Variants in EWSR1 observed in about 807,000 individuals in gnomAD.
The protein encoded by EWSR1 is RNA-binding protein EWS.
Under a neutral mutation model 92.1 loss-of-function variants are expected in EWSR1, and 14 were observed. The observed-to-expected ratio is 0.15, with a 90% CI of 0.10 to 0.24. EWSR1 has a LOEUF of 0.24. EWSR1 is among the 10% of genes least tolerant of loss of function. EWSR1 has a pLI of 1.00. For synonymous variants in EWSR1, 303 were observed against 292.9 expected (o/e 1.03, Z -0.35); for missense variants, 637 against 870.9 (o/e 0.73, Z 3.38).
intron 4 of EWSR1, chr22:29,277,733 A>G (rs976855613): frequency 8.7e-6 from 3 of 344,702 alleles, no homozygotes; most frequent in East Asian, 4.6e-5. Flanking sequence ...CTTGTCTCCT[A>G]TTCACAGCAT....
At chr22:29,275,317 G>A (rs779315346) in intron 4 of EWSR1, among the ~76,000 whole-genome samples, 4 of 152,144 alleles carry the variant, frequency 2.6e-5, no homozygotes, top group Non-Finnish European at 4.4e-5. Context: ...GGAATGAGAC[G>A]GAGTGATTTA....
rs377732811 is a variant in EWSR1, at chr22:29,272,395, C to T, written c.66C>T (p.Thr22=). ...TCTTTTGCAGCTACAGTGCTTACAC[C>T]GCCCAGCCCACTCAAGGATATGCAC... ...AAAQQGYSAY[T]AQPTQGYAQT... Residue 22 remains threonine, a synonymous_variant, in exon 3 of 17, where the codon ACC becomes ACT. Transcript: ENST00000397938. 170 of 1,613,280 alleles carry T rather than the reference C, an allele frequency of 1.1e-4. No homozygotes were observed. The highest frequency in any genetic ancestry group is 4.3e-4 in the South Asian group (39 of 91,040).
chr22:29,291,026 A>G (rs762636918), intron 8 of EWSR1: 1 of 236,576 alleles, frequency 4.2e-6, no homozygotes, highest in Non-Finnish European at 8.3e-6. Context: ...CCTGAGATGT[A>G]TGGCTTTATG....
In EWSR1 at chr22:29,284,065, C is replaced by T. The variant is rs931081663; in HGVS notation, c.581+1508C>T. On this transcript the variant is annotated intron_variant, in intron 6 of 16. Coordinates refer to ENST00000397938, the MANE Select transcript of EWSR1 (RefSeq NM_005243.4). ...GTCAGGCTGGTCTTGAACTCCCATC[C>T]TCAGGTGATCCGCCTGCCTCGGCCT... Among the ~76,000 whole-genome samples, 5 of 151,310 alleles carry T rather than the reference C, an allele frequency of 3.3e-5. 1 individual carries two copies. The South Asian group carries it at 6.2e-4, about 19-fold the overall frequency.
chr22:29,270,070 C>T (rs2058542501), intron 1 of EWSR1, among the ~76,000 whole-genome samples: 1 of 152,182 alleles, frequency 6.6e-6, no homozygotes, highest in Non-Finnish European at 1.5e-5. Flanking sequence ...CTTTTGAGCC[C>T]TTCTGACCTT....
intron 5 of EWSR1, among the ~76,000 whole-genome samples, chr22:29,280,868 T>G (rs1254343580): frequency 3.1e-4 from 8 of 25,622 alleles, no homozygotes; most frequent in African/African-American, 1.3e-3. Context: ...TGTTGTTTTT[T>G]TTTTTTTTTT....
chr22:29,286,875 G>A, intron 6 of EWSR1, 48 bp from the exon 7 acceptor site: 1 of 1,442,724 alleles, frequency 6.9e-7, no homozygotes, highest in Admixed American at 1.8e-5. Context: ...GAAATAACAA[G>A]CCTCTTTCTA....
chr22:29,294,698 G>A (rs892119056), intron 11 of EWSR1, among the ~76,000 whole-genome samples: 3 of 151,794 alleles, frequency 2.0e-5, no homozygotes, highest in Admixed American at 6.6e-5. Context: ...GGTGGATCAC[G>A]AAGTCAAGAG....
intron 3 of EWSR1, among the ~76,000 whole-genome samples, chr22:29,273,486 GA>G: frequency 6.6e-6 from 1 of 152,214 alleles, no homozygotes; most frequent in South Asian, 2.1e-4. Flanking sequence ...CCCCTTTTGA[GA>G]AGCTGTGAAT....
intron 1 of EWSR1, among the ~76,000 whole-genome samples, chr22:29,271,648 A>C (rs2058691860): frequency 6.6e-6 from 1 of 152,228 alleles, no homozygotes; most frequent in African/African-American, 2.4e-5. Context: ...TGACACAGCA[A>C]ACCCTTTAAA....
chr22:29,282,111 C>T (rs1019434896), intron 5 of EWSR1, among the ~76,000 whole-genome samples: 2 of 152,122 alleles, frequency 1.3e-5, no homozygotes, highest in East Asian at 3.8e-4. Flanking sequence ...ACTTTTATAG[C>T]GTTTACTGTG....
At chr22:29,299,181 T>TTTA in intron 14 of EWSR1, 53 bp from the exon 15 acceptor site, 1 of 1,613,796 alleles carries the variant, frequency 6.2e-7, no homozygotes, top group South Asian at 1.1e-5. Flanking sequence ...CCTTTCCTTG[T>TTTA]TTATCTTCCT....
intron 5 of EWSR1, among the ~76,000 whole-genome samples, chr22:29,278,641 G>A (rs573234479): frequency 3.9e-5 from 6 of 152,122 alleles, no homozygotes; most frequent in East Asian, 1.9e-4. Context: ...TGGCTAACAC[G>A]GTGAAACCCC....
chr22:29,271,815 T>C (rs1300010270), intron 1 of EWSR1, among the ~76,000 whole-genome samples: 2 of 152,234 alleles, frequency 1.3e-5, no homozygotes, highest in African/African-American at 4.8e-5. Context: ...TGTTAAACTT[T>C]GTATTATTGT....
chr22:29,292,055 A>G (rs2060478825), intron 9 of EWSR1, 82 bp from the exon 10 acceptor site: 1 of 1,150,894 alleles, frequency 8.7e-7, no homozygotes, highest in Non-Finnish European at 1.3e-6. Flanking sequence ...GTGGTATAGT[A>G]GATAGCTATG....
chr22:29,284,653 G>C (rs1440355737), intron 6 of EWSR1, among the ~76,000 whole-genome samples: 1 of 151,184 alleles, frequency 6.6e-6, no homozygotes, highest in Non-Finnish European at 1.5e-5. Flanking sequence ...TTGGAGACCG[G>C]GTCTCACTCT....
At chr22:29,277,781 T>C (rs1046372736) in intron 4 of EWSR1, 8 of 457,888 alleles carry the variant, frequency 1.7e-5, no homozygotes, top group Non-Finnish European at 3.1e-5. Flanking sequence ...TTCTGTAGCA[T>C]GACATGCCAT....
At chr22:29,290,143 C>T (rs376168851) in intron 8 of EWSR1, 1 of 315,712 alleles carries the variant, frequency 3.2e-6, no homozygotes, top group East Asian at 4.7e-5. Context: ...TGAGAAGTCT[C>T]TCTTGCAGCC....
At position 29,299,265 on chromosome 22, in the gene EWSR1, A is replaced by G; in HGVS notation, c.1612A>G (p.Thr538Ala). The change falls in exon 15 of 17, where the codon ACA becomes GCA. Residue 538 changes from threonine to alanine, a missense_variant. Physicochemically the swap from Thr to Ala is moderately conservative, Grantham distance 58. Coordinates refer to ENST00000397938, the MANE Select transcript of EWSR1 (RefSeq NM_005243.4). ...GCGNQNFAWR[T>A]ECNQCKAPKP... ...TGGAAACCAGAACTTCGCCTGGAGA[A>G]CAGAGTGCAACCAGTGTAAGGCCCC... 1 of 1,614,046 alleles carries G rather than the reference A, an allele frequency of 6.2e-7. No individual in the cohort carries two copies. Among genetic ancestry groups the G allele is most frequent in the Non-Finnish European group, 8.5e-7 (1 of 1,179,954 alleles).
Sources: allele counts gnomAD v4.1 joint callset (sites outside exome capture counted in the v4.1 genomes callset), GRCh38; gene constraint gnomAD v4.1.1; transcripts MANE v1.5; gene names NCBI Gene and HGNC (gene_info 2026-07-23, HGNC 2026-07-21).